Variants in LPIN1 observed in about 807,000 individuals in gnomAD.
LPIN1 encodes the protein phosphatidate phosphatase LPIN1.
In LPIN1, 71 loss-of-function variants were observed where a neutral mutation model predicts 107.5. The observed-to-expected ratio is 0.66, with a 90% confidence interval of 0.55 to 0.80. The LOEUF (loss-of-function observed/expected upper bound fraction) is 0.80, where lower values mean the gene tolerates loss of function less well. Ranked by LOEUF, LPIN1 falls within the 30% of genes least tolerant of loss-of-function variation. LPIN1 has a pLI of 0.00. For synonymous variants in LPIN1, 445 were observed against 452.6 expected, an observed-to-expected ratio of 0.98 and a Z score of 0.21; for missense variants, 1,043 against 1,160.6, an observed-to-expected ratio of 0.90 and a Z score of 1.47.
At chr2:11,811,774 C>T (rs1356903933) in intron 17 of LPIN1, among the ~76,000 whole-genome samples, 1 of 152,198 alleles carries the variant, frequency 6.6e-6, no homozygotes, top group African/African-American at 2.4e-5. Flanking sequence ...ATCATGAGGT[C>T]AAGAGATCGA....
Position 11,774,128 on chromosome 2 carries a change from A to G in LPIN1, c.722+383A>G, listed in dbSNP as rs914925452. ...GCTGCTGAGGTCGTTCAGGGCTATT[A>G]GAATGGTGCCTCCGCCACACTTAAT... is the stretch of plus-strand genomic sequence containing the variant. On this transcript the variant is annotated intron_variant, in intron 5 of 20. Transcript: ENST00000674199. This position sits in a 1 kb window ranked among gnomAD's most constrained non-coding sequence, Gnocchi z 4.4. Among the ~76,000 whole-genome samples the G allele has an allele frequency of 2.6e-5, 4 of 152,256 alleles. No homozygotes were observed. Among genetic ancestry groups the G allele is most frequent in the Admixed American group, 6.5e-5 (1 of 15,280 alleles).
chr2:11,737,169 C>T (rs1665868977), intron 1 of LPIN1, among the ~76,000 whole-genome samples: 1 of 152,198 alleles, frequency 6.6e-6, no homozygotes, highest in South Asian at 2.1e-4. Flanking sequence ...GCTGGGAAAA[C>T]TGGCTAGCCA....
intron 1 of LPIN1, among the ~76,000 whole-genome samples, chr2:11,712,280 C>G (rs1663466954): frequency 6.6e-6 from 1 of 152,206 alleles, no homozygotes; most frequent in Non-Finnish European, 1.5e-5. Flanking sequence ...TTCTTGTCCT[C>G]TCCTCTCCCA....
intron 1 of LPIN1, among the ~76,000 whole-genome samples, chr2:11,749,350 G>A (rs369031649): frequency 1.2e-4 from 19 of 152,290 alleles, no homozygotes; most frequent in East Asian, 1.2e-3. Context: ...ATGCACCAGC[G>A]CCTGAAGGGA....
chr2:11,798,563 T>C (rs910650640), intron 14 of LPIN1, among the ~76,000 whole-genome samples: 1 of 152,192 alleles, frequency 6.6e-6, no homozygotes, highest in Non-Finnish European at 1.5e-5. Flanking sequence ...GGGCAAAAAA[T>C]GCTTTTTCCC....
chr2:11,743,350 G>A (rs1250089431), upstream of LPIN1, among the ~76,000 whole-genome samples: 1 of 152,164 alleles, frequency 6.6e-6, no homozygotes, highest in East Asian at 1.9e-4. The surrounding 1 kb of genome is among the most constrained non-coding windows in gnomAD (Gnocchi z 4.7). Flanking sequence ...GCTCTCCGAG[G>A]ATCACTGTCC....
upstream of LPIN1, among the ~76,000 whole-genome samples, chr2:11,720,068 T>A (rs369831708): frequency 2.6e-5 from 4 of 152,174 alleles, no homozygotes; most frequent in African/African-American, 4.8e-5. Flanking sequence ...AGACATTATA[T>A]ATTTACTAGC....
intron 1 of LPIN1, among the ~76,000 whole-genome samples, chr2:11,713,417 C>A (rs1041159598): frequency 6.6e-6 from 1 of 152,164 alleles, no homozygotes; most frequent in Non-Finnish European, 1.5e-5. Flanking sequence ...ATTATAGCTG[C>A]CCAGCACCAT....
upstream of LPIN1, among the ~76,000 whole-genome samples, chr2:11,742,388 C>G (rs1666460117): frequency 6.6e-6 from 1 of 152,192 alleles, no homozygotes; most frequent in African/African-American, 2.4e-5. Flanking sequence ...CTTCTGAGCT[C>G]TCCTTAGCAT....
At chr2:11,766,640 C>T (rs1670940451) in intron 2 of LPIN1, among the ~76,000 whole-genome samples, 1 of 152,162 alleles carries the variant, frequency 6.6e-6, no homozygotes, top group Non-Finnish European at 1.5e-5. Flanking sequence ...GCACTAGCAC[C>T]AGCCAAGGGT....
upstream of LPIN1, among the ~76,000 whole-genome samples, chr2:11,744,696 G>GA (rs747596617): frequency 2.6e-5 from 4 of 152,188 alleles, no homozygotes; most frequent in Non-Finnish European, 4.4e-5. Context: ...TGGCTTCCTG[G>GA]AAAGCCTTTC....
intron 6 of LPIN1, among the ~76,000 whole-genome samples, chr2:11,777,977 C>T (rs1264229988): frequency 6.6e-6 from 1 of 152,144 alleles, no homozygotes; most frequent in African/African-American, 2.4e-5. Flanking sequence ...TGAGGCCCCT[C>T]GCTGGAGGCC....
chr2:11,690,984 A>T (rs986709323), intron 1 of LPIN1, among the ~76,000 whole-genome samples: 3 of 152,060 alleles, frequency 2.0e-5, no homozygotes, highest in African/African-American at 7.2e-5. Context: ...ATACATCATG[A>T]TGTAAGTCTA....
intron 1 of LPIN1, among the ~76,000 whole-genome samples, chr2:11,704,640 C>G (rs910056168): frequency 6.6e-6 from 1 of 152,188 alleles, no homozygotes; most frequent in Non-Finnish European, 1.5e-5. Flanking sequence ...ACAGAATGTT[C>G]TAGCAGGAAG....
intron 9 of LPIN1, chr2:11,784,605 A>AG (rs1241448517): frequency 3.8e-6 from 2 of 520,248 alleles, no homozygotes; most frequent in Non-Finnish European, 6.8e-6. Context: ...TGGCGCCTGG[A>AG]GGGGAAGGGC....
chr2:11,790,752 G>A (rs1675578186), intron 12 of LPIN1, among the ~76,000 whole-genome samples: 1 of 152,150 alleles, frequency 6.6e-6, no homozygotes, highest in African/African-American at 2.4e-5. Context: ...TCTGGACTTC[G>A]TTTTCTGTTC....
chr2:11,677,869 T>C (rs1413079515), intron 1 of LPIN1: 2 of 699,872 alleles, frequency 2.9e-6, no homozygotes, highest in Non-Finnish European at 4.9e-6. Flanking sequence ...GCATTCACGC[T>C]TCCCCAGATA....
Position 11,740,281 on chromosome 2 carries a change from C to T in LPIN1, c.-71-1068C>T, listed in dbSNP as rs376916408. ...GGTGAGGATGAATCTTCCTTCCTCA[C>T]TCAGTTCACTGATCCAAATGCCAAC... On this transcript the variant is annotated intron_variant, in intron 1 of 21. Transcript: ENST00000396097. 7.9e-5 allele frequency among the ~76,000 whole-genome samples: 12 copies of T among 152,192 alleles called. No individual in the cohort carries two copies. In the East Asian group the frequency reaches 1.9e-3, roughly 24 times the overall value.
At chr2:11,779,228 C>T (rs565535723) in intron 6 of LPIN1, among the ~76,000 whole-genome samples, 1 of 152,264 alleles carries the variant, frequency 6.6e-6, no homozygotes, top group African/African-American at 2.4e-5. Flanking sequence ...GACTATTTTT[C>T]CCTTTCTCTT....
Sources: gnomAD v4.1 joint callset for allele counts (sites outside exome capture counted in the v4.1 genomes callset) on GRCh38, gnomAD v4.1.1 for gene constraint, Gnocchi (gnomAD v3.1) non-coding constraint, MANE v1.5 for transcripts, NCBI Gene and HGNC (gene_info 2026-07-23, HGNC 2026-07-21) for gene names.